MADD: variants seen among roughly 807,000 people sequenced by gnomAD.
MADD encodes MAP kinase activating death domain, also known as MAP kinase-activating death domain protein.
In MADD, 109 loss-of-function variants were observed where a neutral mutation model predicts 176.7. The observed-to-expected ratio is 0.62, with a 90% confidence interval of 0.53 to 0.72. The LOEUF (loss-of-function observed/expected upper bound fraction) is 0.72, where lower values mean the gene tolerates loss of function less well. Ranked by LOEUF, MADD falls within the 30% of genes least tolerant of loss-of-function variation. MADD has a pLI of 0.00. For missense variants in MADD, 1,914 were observed against 2,045.5 expected (o/e 0.94, Z 1.24); for synonymous variants, 771 against 771.3 (o/e 1.00, Z 0.01).
chr11:47,281,087 G>A (rs2137053569), intron 7 of MADD, among the ~76,000 whole-genome samples: 1 of 152,292 alleles, frequency 6.6e-6, no homozygotes, highest in Middle Eastern at 3.4e-3. Flanking sequence ...AAGCACTGCT[G>A]CTCTCGACCA....
chr11:47,296,758 T>TTTG (rs1300147756), intron 22 of MADD, among the ~76,000 whole-genome samples: 3 of 144,750 alleles, frequency 2.1e-5, no homozygotes, highest in South Asian at 2.2e-4. Flanking sequence ...ACATCTGTTT[T>TTTG]TTGTTGTTTT....
chr11:47,288,803 C>T (rs1407504178), intron 15 of MADD, among the ~76,000 whole-genome samples, 165 bp from the exon 16 acceptor site: 2 of 152,184 alleles, frequency 1.3e-5, no homozygotes, highest in East Asian at 1.9e-4. Context: ...CCTTGGTTGT[C>T]TCCTGGTCAC....
intron 15 of MADD, among the ~76,000 whole-genome samples, chr11:47,288,011 T>C (rs771512941): frequency 6.6e-6 from 1 of 151,686 alleles, no homozygotes; most frequent in Admixed American, 6.6e-5. Context: ...ATGGTCTCGA[T>C]CTCCTGACCT....
At chr11:47,296,013 T>C (rs2071303551) in exon 22 of MADD, 1 of 1,614,068 alleles carries the variant, frequency 6.2e-7, no homozygotes, top group Non-Finnish European at 8.5e-7. Context: ...GCACTTTGTC[T>C]GATAGTGAAA....
At chr11:47,309,666 GT>G in intron 25 of MADD, 54 bp downstream of exon 28, 1 of 1,384,150 alleles carries the variant, frequency 7.2e-7, no homozygotes, top group Middle Eastern at 1.8e-4. Context: ...GGCAAGGCTT[GT>G]TCCTGTCGCC....
chr11:47,307,701 C>T (rs904370409), intron 22 of MADD, among the ~76,000 whole-genome samples: 2 of 151,594 alleles, frequency 1.3e-5, no homozygotes, highest in African/African-American at 2.4e-5. Flanking sequence ...TGGAGTCTCA[C>T]TCTGTCACCC....
chr11:47,285,254 T>C lies in MADD; in HGVS notation c.2411+60T>C, dbSNP rs1262340368. 6 of 1,586,216 alleles carry C rather than the reference T, an allele frequency of 3.8e-6. No homozygotes were observed. In the South Asian group the frequency reaches 5.7e-5, roughly 15 times the overall value. On this transcript the variant is annotated intron_variant, in intron 13 of 32. Transcript: ENST00000402192. Reference sequence around the variant, plus strand: ...TGAAGGACCTCACCTCAGTGGACCCTGGGCAAGGGTTAATCAGAAAGTCTG... The same window carrying C: ...TGAAGGACCTCACCTCAGTGGACCCCGGGCAAGGGTTAATCAGAAAGTCTG...
intron 19 of MADD, 80 bp from the exon 22 acceptor site, chr11:47,293,803 C>A: frequency 1.1e-6 from 1 of 884,248 alleles, no homozygotes; most frequent in South Asian, 1.4e-5. Context: ...CTGGGAACAG[C>A]CTGTGCTGCC....
chr11:47,323,998 C>T (rs1595492265), intron 28 of MADD, 163 bp downstream of exon 31: 6 of 739,924 alleles, frequency 8.1e-6, no homozygotes, highest in African/African-American at 1.8e-5. Context: ...GCCAACTAGG[C>T]CTAATAGTAG....
intron 26 of MADD, among the ~76,000 whole-genome samples, chr11:47,313,310 C>CTT (rs1215130526): frequency 1.4e-5 from 2 of 144,686 alleles, no homozygotes; most frequent in East Asian, 2.0e-4. Context: ...TATTTTCTTT[C>CTT]TTTTTTTTTT....
At chr11:47,316,492 G>T (rs918098696) in intron 27 of MADD, among the ~76,000 whole-genome samples, 1 of 149,622 alleles carries the variant, frequency 6.7e-6, no homozygotes. Context: ...GGGTTCAAGC[G>T]ATTCTCCTGC....
rs745443560 is a variant in MADD at position 47,323,769 on chromosome 11, G to A, written c.4296G>A (p.Thr1432=). The change falls in exon 28 of 33, where the codon ACG becomes ACA. Residue 1432 remains threonine (T), a synonymous_variant. Coordinates refer to ENST00000402192, the Ensembl canonical transcript of MADD. ...TCAACATGACCTACTGTCCCAAGAC[G>A]AAGGTGTTGTGCTTGTGGCGTAGAA... is the stretch of plus-strand genomic sequence containing the variant. 82 of 1,614,086 alleles carry A rather than the reference G, an allele frequency of 5.1e-5. No individual in the cohort carries two copies. In the South Asian group the frequency reaches 7.7e-4, roughly 15 times the overall value.
intron 27 of MADD, among the ~76,000 whole-genome samples, chr11:47,319,109 A>G (rs565750240): frequency 6.8e-6 from 1 of 146,442 alleles, no homozygotes; most frequent in East Asian, 2.0e-4. Context: ...CACCTGGCCA[A>G]GGAAAATATA....
intron 28 of MADD, 148 bp from the exon 32 acceptor site, chr11:47,324,117 A>G: frequency 1.4e-6 from 1 of 707,572 alleles, no homozygotes; most frequent in Non-Finnish European, 2.5e-6. Context: ...CATAACCTCA[A>G]CAATGAATAA....
chr11:47,275,189 G>A (rs765298419), intron 3 of MADD, 30 bp downstream of exon 3: 27 of 1,568,206 alleles, frequency 1.7e-5, no homozygotes, highest in Middle Eastern at 3.4e-4. Context: ...CCTAATGGGG[G>A]AAGCATTTAG....
exon 28 of MADD, chr11:47,323,683 T>A: frequency 6.2e-7 from 1 of 1,613,402 alleles, no homozygotes; most frequent in East Asian, 2.2e-5. Context: ...GTGCGATGAC[T>A]GTGTGGTGTT....
At chr11:47,286,559 A>G in intron 15 of MADD, 25 bp downstream of exon 15, 1 of 1,569,418 alleles carries the variant, frequency 6.4e-7, no homozygotes, top group Non-Finnish European at 8.8e-7. Context: ...CCTTTTGCCA[A>G]GCCAGGTTTC....
At chr11:47,297,083 G>T (rs1428475727) in intron 22 of MADD, among the ~76,000 whole-genome samples, 2 of 152,098 alleles carry the variant, frequency 1.3e-5, no homozygotes, top group Non-Finnish European at 1.5e-5. Context: ...ATGTGTATGT[G>T]CCTCTATAGG....
At chr11:47,311,217 A>G (rs1490593119) in intron 25 of MADD, among the ~76,000 whole-genome samples, 1 of 152,178 alleles carries the variant, frequency 6.6e-6, no homozygotes, top group African/African-American at 2.4e-5. Flanking sequence ...TCAGTTGATC[A>G]AATGCAGAGA....
Sources: allele counts gnomAD v4.1 joint callset (sites outside exome capture counted in the v4.1 genomes callset), GRCh38; gene constraint gnomAD v4.1.1; transcripts MANE v1.5; gene names NCBI Gene and HGNC (gene_info 2026-07-23, HGNC 2026-07-21).